Variants in OR51B5 observed in about 807,000 individuals in gnomAD.
The protein encoded by OR51B5 is olfactory receptor family 51 subfamily B member 5.
For synonymous variants in OR51B5, 186 were observed against 144.8 expected (o/e 1.28, Z -2.04); for missense variants, 456 against 374.6 (o/e 1.22, Z -1.79).
At chr11:5,422,505 A>T (rs1375699068) in intron 1 of OR51B5, 4 of 1,614,008 alleles carry the variant, frequency 2.5e-6, no homozygotes, top group African/African-American at 2.7e-5. Context: ...TGTTTTGCTC[A>T]GTTTTTCTTC....
intron 1 of OR51B5, among the ~76,000 whole-genome samples, chr11:5,427,527 T>C (rs1281559515): frequency 1.3e-5 from 2 of 152,266 alleles, no homozygotes; most frequent in Non-Finnish European, 2.9e-5. Flanking sequence ...GAAATATTTA[T>C]AGATTTTGTA....
chr11:5,343,554 T>G (rs895250164), upstream of OR51B5: 1 of 715,788 alleles, frequency 1.4e-6, no homozygotes, highest in African/African-American at 1.8e-5. Flanking sequence ...AATGTCTTTC[T>G]GTTTCTGTTA....
chr11:5,369,767 A>G (rs1045740657), intron 1 of OR51B5, among the ~76,000 whole-genome samples: 1 of 152,182 alleles, frequency 6.6e-6, no homozygotes, highest in African/African-American at 2.4e-5. Context: ...AGCAAGGGCT[A>G]TGTGTAGCAC....
At chr11:5,377,351 A>T (rs1849543302) in intron 1 of OR51B5, among the ~76,000 whole-genome samples, 2 of 152,188 alleles carry the variant, frequency 1.3e-5, no homozygotes, top group South Asian at 4.1e-4. Flanking sequence ...CACAGCCAAT[A>T]TCATACTGAA....
chr11:5,453,614 T>C, intron 1 of OR51B5: 1 of 1,613,742 alleles, frequency 6.2e-7, no homozygotes, highest in East Asian at 2.2e-5. Context: ...TTGGGGGAAA[T>C]ACAGTGATCC....
intron 1 of OR51B5, among the ~76,000 whole-genome samples, chr11:5,378,720 A>G (rs571277614): frequency 3.1e-4 from 47 of 152,314 alleles, no homozygotes; most frequent in African/African-American, 1.1e-3. Flanking sequence ...AATGCTCATC[A>G]TCACTGGCCA....
At chr11:5,460,636 G>C (rs1178706772) in intron 1 of OR51B5, among the ~76,000 whole-genome samples, 2 of 152,110 alleles carry the variant, frequency 1.3e-5, no homozygotes, top group Non-Finnish European at 2.9e-5. Context: ...TCAGTCACTG[G>C]TAGGTAAGAC....
intron 1 of OR51B5, among the ~76,000 whole-genome samples, chr11:5,503,287 T>C (rs973569001): frequency 6.6e-5 from 10 of 152,196 alleles, no homozygotes; most frequent in African/African-American, 2.4e-4. Context: ...CAACTGGTAA[T>C]AGCACAGTTT....
At chr11:5,498,447 C>T (rs866512013) in intron 1 of OR51B5, among the ~76,000 whole-genome samples, 1 of 152,182 alleles carries the variant, frequency 6.6e-6, no homozygotes, top group South Asian at 2.1e-4. Context: ...ATGCCCTGGC[C>T]AACAAATGGT....
chr11:5,366,367 G>T (rs1849367723), intron 1 of OR51B5, among the ~76,000 whole-genome samples: 1 of 152,140 alleles, frequency 6.6e-6, no homozygotes, highest in Non-Finnish European at 1.5e-5. Flanking sequence ...AGCACTTTGG[G>T]TGGCTGAGGC....
In OR51B5 at chr11:5,440,911, G is replaced by C. The variant is rs1485894927; in HGVS notation, n.84+64658C>G. On this transcript the variant is annotated intron_variant and non_coding_transcript_variant, in intron 1 of 4. Coordinates refer to the OR51B5 transcript ENST00000415970. The stretch of plus-strand genomic sequence containing the variant: ...CCATAGGTAAAAATGATCACCAAGA[G>C]CCCATAAATGTTGTTAACATGGATG... The C allele has an allele frequency of 6.2e-7, 1 of 1,613,694 alleles. No homozygotes were observed. Among genetic ancestry groups the C allele is most frequent in the African/African-American group, 1.3e-5 (1 of 74,886 alleles).
In OR51B5 at chr11:5,378,234, G is replaced by A. The variant is rs542044759; in HGVS notation, n.85-31324C>T. 7.9e-5 allele frequency among the ~76,000 whole-genome samples: 12 copies of A among 152,056 alleles called. No homozygotes were observed. In the South Asian group the frequency reaches 2.3e-3, roughly 29 times the overall value. On this transcript the variant is annotated intron_variant and non_coding_transcript_variant, in intron 1 of 4. Coordinates refer to the OR51B5 transcript ENST00000415970. ...GAAAGGATTCCCTATTTAATAAATGGTGCTGGGAGAACTGGCTAGCCATAT... is the reference window on the plus strand; with the variant it reads ...GAAAGGATTCCCTATTTAATAAATGATGCTGGGAGAACTGGCTAGCCATAT...
chr11:5,396,476 T>C (rs1317877580), intron 1 of OR51B5, among the ~76,000 whole-genome samples: 5 of 152,030 alleles, frequency 3.3e-5, no homozygotes, highest in Non-Finnish European at 7.4e-5. Context: ...AGAGAGAATA[T>C]AATACCTAGG....
downstream of OR51B5, chr11:5,342,382 ACAGGAATG>A (rs1180258927): frequency 5.7e-6 from 1 of 176,716 alleles, no homozygotes; most frequent in Admixed American, 6.5e-5. Context: ...TATTCCGTTT[ACAGGAATG>A]CAACAAAAAT....
intron 1 of OR51B5, chr11:5,422,813 G>A (rs1255862461): frequency 6.2e-6 from 10 of 1,614,140 alleles, no homozygotes; most frequent in Non-Finnish European, 8.5e-6. Flanking sequence ...ATTTGCTCTT[G>A]CCTTGCTCAT....
intron 1 of OR51B5, chr11:5,441,453 C>A: frequency 1.2e-6 from 2 of 1,613,648 alleles, no homozygotes; most frequent in Non-Finnish European, 1.7e-6. Context: ...TGTTTGTATC[C>A]CAGGAATGCC....
chr11:5,402,290 C>T (rs530389667), intron 1 of OR51B5, among the ~76,000 whole-genome samples: 62 of 152,342 alleles, frequency 4.1e-4, no homozygotes, highest in African/African-American at 1.4e-3. Flanking sequence ...GCTGGAATTA[C>T]AGGCATGAGC....
At chr11:5,356,227 A>G (rs980300604) in intron 1 of OR51B5, among the ~76,000 whole-genome samples, 5 of 152,120 alleles carry the variant, frequency 3.3e-5, no homozygotes, top group African/African-American at 1.2e-4. Flanking sequence ...AAAAACCTTG[A>G]AAATAAATTA....
chr11:5,389,650 G>A (rs759157109), intron 1 of OR51B5: 2 of 1,613,464 alleles, frequency 1.2e-6, no homozygotes, highest in African/African-American at 1.3e-5. Context: ...CTGACCTGGG[G>A]CTGTGTGTGT....
Sources: gnomAD v4.1 joint callset for allele counts (sites outside exome capture counted in the v4.1 genomes callset) on GRCh38, gnomAD v4.1.1 for gene constraint, MANE v1.5 for transcripts, NCBI Gene and HGNC (gene_info 2026-07-23, HGNC 2026-07-21) for gene names.